Variants in AFF3 observed in about 807,000 individuals in gnomAD.
AFF3 encodes the protein ALF transcription elongation factor 3.
In AFF3, 32 loss-of-function variants were observed where a neutral mutation model predicts 129.7. The ratio of observed to expected loss-of-function variants is 0.25; its 90% CI spans 0.19 to 0.33. The LOEUF (loss-of-function observed/expected upper bound fraction) is 0.33. Ranked by LOEUF, AFF3 falls within the 10% of genes least tolerant of loss-of-function variation. The pLI is 1.00. For missense variants in AFF3, 1,373 were observed against 1,592.0 expected (o/e 0.86, Z 2.34); for synonymous variants, 644 against 635.4 (o/e 1.01, Z -0.20).
At chr2:99,695,194 T>G (rs1676072989) in intron 11 of AFF3, among the ~76,000 whole-genome samples, 1 of 152,208 alleles carries the variant, frequency 6.6e-6, no homozygotes, top group African/African-American at 2.4e-5. Flanking sequence ...TAAGCCTACC[T>G]CAGCTCAGAC....
chr2:99,964,181 T>A (rs1677505142), intron 7 of AFF3, among the ~76,000 whole-genome samples: 1 of 152,132 alleles, frequency 6.6e-6, no homozygotes. Flanking sequence ...AATACCCTAC[T>A]TTCAGTAATA....
chr2:99,707,593 A>G (rs1480682089), intron 11 of AFF3: 12 of 985,280 alleles, frequency 1.2e-5, no homozygotes, highest in Non-Finnish European at 1.3e-5. Context: ...CAATTAATAA[A>G]CAAGTTGTGG....
intron 4 of AFF3, among the ~76,000 whole-genome samples, chr2:100,075,218 AGGCCCCCAGGTAAACCAG>A (rs1412648897): frequency 6.6e-6 from 1 of 152,132 alleles, no homozygotes; most frequent in Non-Finnish European, 1.5e-5. Context: ...TTAAAATTCA[AGGCCCCCAGGTAAACCAG>A]GGCAAACATC....
chr2:99,556,486 C>T (rs565276533), intron 22 of AFF3, among the ~76,000 whole-genome samples: 51 of 152,288 alleles, frequency 3.3e-4, no homozygotes, highest in African/African-American at 1.1e-3. Context: ...TCTTCCTCTA[C>T]CACTAAGCCC....
intron 7 of AFF3, among the ~76,000 whole-genome samples, chr2:99,936,726 G>T (rs1036343608): frequency 3.9e-5 from 6 of 152,218 alleles, no homozygotes; most frequent in Non-Finnish European, 8.8e-5. Flanking sequence ...GACTTCCGAA[G>T]TGCAAACACG....
chr2:99,874,760 T>C (rs556914628), intron 7 of AFF3, among the ~76,000 whole-genome samples: 32 of 152,264 alleles, frequency 2.1e-4, no homozygotes, highest in African/African-American at 7.7e-4. Flanking sequence ...ATAATAGTAT[T>C]ATATCGAAGT....
chr2:99,838,804 A>G (rs1295790846), intron 7 of AFF3, among the ~76,000 whole-genome samples: 1 of 152,230 alleles, frequency 6.6e-6, no homozygotes, highest in Admixed American at 6.5e-5. Context: ...CATCAGAATC[A>G]GCACTAGGAC....
chr2:99,585,625 T>C (rs904909113), intron 16 of AFF3, among the ~76,000 whole-genome samples: 3 of 152,240 alleles, frequency 2.0e-5, no homozygotes, highest in African/African-American at 4.8e-5. Context: ...AACATTTCCT[T>C]CAACTATGAG....
At chr2:100,068,361 A>C (rs1687893753) in intron 4 of AFF3, among the ~76,000 whole-genome samples, 1 of 152,230 alleles carries the variant, frequency 6.6e-6, no homozygotes, top group Non-Finnish European at 1.5e-5. Context: ...TGGGAGAAAC[A>C]GCCATAGCTT....
chr2:100,128,608 G>A (rs889494899), intron 2 of AFF3, among the ~76,000 whole-genome samples: 10 of 152,180 alleles, frequency 6.6e-5, no homozygotes, highest in Admixed American at 2.6e-4. Context: ...CTTTGAATGC[G>A]GAGAATTGCG....
chr2:99,863,315 A>G (rs1035761498), intron 7 of AFF3, among the ~76,000 whole-genome samples: 8 of 152,238 alleles, frequency 5.3e-5, no homozygotes, highest in African/African-American at 1.9e-4. Flanking sequence ...AATAAAGATA[A>G]CTATTTCAGT....
At chr2:99,902,016 C>T (rs1056935701) in intron 7 of AFF3, among the ~76,000 whole-genome samples, 1 of 151,314 alleles carries the variant, frequency 6.6e-6, no homozygotes, top group Non-Finnish European at 1.5e-5. Context: ...GCCTCCTTTG[C>T]GTCTCTGCTT....
chr2:99,904,471 T>G (rs2106161213), intron 7 of AFF3, among the ~76,000 whole-genome samples: 1 of 152,262 alleles, frequency 6.6e-6, no homozygotes, highest in East Asian at 1.9e-4. Context: ...TGTCTGATTT[T>G]GAATTAATGT....
intron 4 of AFF3, among the ~76,000 whole-genome samples, chr2:100,027,329 T>C (rs1238948211): frequency 6.6e-6 from 1 of 152,192 alleles, no homozygotes; most frequent in Non-Finnish European, 1.5e-5. Context: ...TTCCCCAGGA[T>C]ACCTCAGAAG....
chr2:99,859,427 G>A (rs1336919448), intron 7 of AFF3, among the ~76,000 whole-genome samples: 1 of 152,178 alleles, frequency 6.6e-6, no homozygotes, highest in Non-Finnish European at 1.5e-5. Flanking sequence ...AATCCCTGGG[G>A]TGGGATCCAA....
intron 2 of AFF3, among the ~76,000 whole-genome samples, chr2:100,114,750 C>T (rs115120525): frequency 0.025 from 3,833 of 152,228 alleles, 148 homozygotes; most frequent in African/African-American, 0.087. Flanking sequence ...CTCCCTGGAG[C>T]CTGGAGTCAC....
At chr2:99,917,406 G>A (rs901374090) in intron 7 of AFF3, among the ~76,000 whole-genome samples, 2 of 152,064 alleles carry the variant, frequency 1.3e-5, no homozygotes, top group African/African-American at 4.8e-5. Flanking sequence ...GTGGATCCAG[G>A]AGCCACCGAT....
intron 8 of AFF3, among the ~76,000 whole-genome samples, chr2:99,762,280 T>C (rs1682680934): frequency 6.6e-6 from 1 of 152,054 alleles, no homozygotes; most frequent in Non-Finnish European, 1.5e-5. Context: ...CATGCTACCA[T>C]GCCCAGCTAA....
intron 4 of AFF3, among the ~76,000 whole-genome samples, chr2:100,035,833 C>T (rs976252286): frequency 7.2e-5 from 11 of 152,024 alleles, no homozygotes; most frequent in Non-Finnish European, 1.3e-4. Flanking sequence ...CAATGCATGC[C>T]TTTTACACTG....
Sources: gnomAD v4.1 joint callset for allele counts (sites outside exome capture counted in the v4.1 genomes callset) on GRCh38, gnomAD v4.1.1 for gene constraint, MANE v1.5 for transcripts, NCBI Gene and HGNC (gene_info 2026-07-23, HGNC 2026-07-21) for gene names.